MNAT1: variants seen among roughly 807,000 people sequenced by gnomAD.
MNAT1 encodes MNAT1 component of CDK activating kinase.
MNAT1 carries 43 observed loss-of-function variants against 42.0 expected under a neutral mutation model. The observed-to-expected ratio is 1.02, with a 90% CI of 0.80 to 1.32. MNAT1 has a LOEUF of 1.32. Among genes scored for constraint, MNAT1 ranks in the 40% most tolerant of loss-of-function variants. The probability of loss-of-function intolerance (pLI) is 0.00; values close to 1 mark genes in which losing one functional copy is unlikely to be tolerated. For synonymous variants in MNAT1, 118 were observed against 120.0 expected (o/e 0.98, Z 0.11); for missense variants, 306 against 350.4 (o/e 0.87, Z 1.01).
intron 7 of MNAT1, among the ~76,000 whole-genome samples, chr14:60,926,713 T>C (rs967989225): frequency 6.6e-6 from 1 of 152,132 alleles, no homozygotes; most frequent in Non-Finnish European, 1.5e-5. Context: ...CTCTGTCATT[T>C]TGGATTTTTA....
At chr14:60,854,664 C>T (rs1373552396) in intron 6 of MNAT1, among the ~76,000 whole-genome samples, 1 of 152,196 alleles carries the variant, frequency 6.6e-6, no homozygotes, top group Non-Finnish European at 1.5e-5. Context: ...CCTGCTCCTT[C>T]CTCTGGAAGC....
In MNAT1 at chr14:60,937,790, G is replaced by A. The variant is rs567949501; in HGVS notation, c.810-30439G>A. The stretch of plus-strand genomic sequence containing the variant: ...AGAAAGTCATTGGTAGCTTGATGGG[G>A]ATGGCATTGAATCTATAAATTACCT... On this transcript the variant is annotated intron_variant, in intron 7 of 7. Transcript: ENST00000261245. 2.6e-5 allele frequency among the ~76,000 whole-genome samples: 4 copies of A among 152,056 alleles called. No homozygotes were observed. In the East Asian group the frequency reaches 5.8e-4, roughly 22 times the overall value.
At chr14:60,954,128 A>G (rs1490752591) in intron 7 of MNAT1, among the ~76,000 whole-genome samples, 1 of 152,102 alleles carries the variant, frequency 6.6e-6, no homozygotes, top group Non-Finnish European at 1.5e-5. Flanking sequence ...CTTTGAGATC[A>G]GGTGATATTT....
At chr14:60,942,124 A>C (rs2036177116) in intron 7 of MNAT1, among the ~76,000 whole-genome samples, 1 of 150,814 alleles carries the variant, frequency 6.6e-6, no homozygotes, top group Non-Finnish European at 1.5e-5. Flanking sequence ...TTTTAAGCTG[A>C]TGAAAATACT....
intron 1 of MNAT1, among the ~76,000 whole-genome samples, chr14:60,755,165 AT>A (rs869120686): frequency 3.3e-3 from 481 of 146,182 alleles, no homozygotes; most frequent in Non-Finnish European, 3.8e-3. Context: ...TGCCTACCTA[AT>A]TTTTTTTTTT....
At chr14:60,963,836 A>G (rs1458518076) in intron 7 of MNAT1, among the ~76,000 whole-genome samples, 3 of 152,210 alleles carry the variant, frequency 2.0e-5, no homozygotes, top group Non-Finnish European at 1.5e-5. Flanking sequence ...GGAAACTAAT[A>G]TGAACTTTAC....
chr14:60,763,111 C>T (rs184167340), intron 1 of MNAT1, among the ~76,000 whole-genome samples: 1 of 152,024 alleles, frequency 6.6e-6, no homozygotes, highest in Non-Finnish European at 1.5e-5. Context: ...TCCAGTTAAA[C>T]TAAATTAGGG....
intron 7 of MNAT1, among the ~76,000 whole-genome samples, chr14:60,906,907 T>C (rs1456833446): frequency 6.6e-6 from 1 of 152,218 alleles, no homozygotes; most frequent in Non-Finnish European, 1.5e-5. Flanking sequence ...ATTTTATGTA[T>C]GCAGAAATTA....
At chr14:60,916,512 AG>A (rs1338715929) in intron 7 of MNAT1, among the ~76,000 whole-genome samples, 1 of 152,188 alleles carries the variant, frequency 6.6e-6, no homozygotes, top group Non-Finnish European at 1.5e-5. Context: ...AAAATTAGCC[AG>A]GGATGGTGGC....
At chr14:60,808,500 A>G in intron 4 of MNAT1, 72 bp downstream of exon 4, 1 of 926,634 alleles carries the variant, frequency 1.1e-6, no homozygotes, top group Non-Finnish European at 1.6e-6. Flanking sequence ...TTAAAAAGCC[A>G]TCTTCCTTTA....
intron 1 of MNAT1, among the ~76,000 whole-genome samples, chr14:60,737,604 A>T (rs918732901): frequency 6.6e-6 from 1 of 152,136 alleles, no homozygotes; most frequent in Non-Finnish European, 1.5e-5. Context: ...ATATGTACAT[A>T]TATGTCTTTG....
chr14:60,810,787 G>C (rs909608937), intron 4 of MNAT1, among the ~76,000 whole-genome samples: 2 of 152,176 alleles, frequency 1.3e-5, no homozygotes, highest in African/African-American at 4.8e-5. Flanking sequence ...CCTGTAGAAA[G>C]TTCTGTGTGT....
chr14:60,737,129 T>C (rs1029246523), intron 1 of MNAT1, among the ~76,000 whole-genome samples: 3 of 152,174 alleles, frequency 2.0e-5, no homozygotes, highest in African/African-American at 7.2e-5. Flanking sequence ...CACTGCTGTT[T>C]CTGAATGGAG....
chr14:60,853,260 C>T (rs1355255379), intron 6 of MNAT1, among the ~76,000 whole-genome samples: 1 of 152,220 alleles, frequency 6.6e-6, no homozygotes, highest in East Asian at 1.9e-4. Context: ...AGGTCCTTCA[C>T]GTCCCCCTTA....
chr14:60,874,977 A>G (rs2034406386), intron 6 of MNAT1, among the ~76,000 whole-genome samples: 1 of 152,146 alleles, frequency 6.6e-6, no homozygotes, highest in African/African-American at 2.4e-5. Flanking sequence ...GAACCATGGC[A>G]TCTATCTCAT....
At chr14:60,785,439 A>G (rs2031617492) in intron 1 of MNAT1, among the ~76,000 whole-genome samples, 1 of 152,212 alleles carries the variant, frequency 6.6e-6, no homozygotes, top group African/African-American at 2.4e-5. Context: ...GATTTAAATG[A>G]TTAATTGAAA....
intron 7 of MNAT1, among the ~76,000 whole-genome samples, chr14:60,938,036 T>G (rs1445988040): frequency 1.3e-5 from 2 of 152,192 alleles, no homozygotes; most frequent in Non-Finnish European, 2.9e-5. Context: ...TTGTCTGTTA[T>G]TGGTGTAGAA....
At chr14:60,797,997 A>G (rs184148419) in intron 2 of MNAT1, 90 bp from the exon 3 acceptor site, 1 of 632,250 alleles carries the variant, frequency 1.6e-6, no homozygotes, top group East Asian at 2.8e-5. Flanking sequence ...CATGTATCAT[A>G]TATGAATTAG....
At chr14:60,756,446 C>G (rs2030353552) in intron 1 of MNAT1, among the ~76,000 whole-genome samples, 1 of 152,060 alleles carries the variant, frequency 6.6e-6, no homozygotes, top group Non-Finnish European at 1.5e-5. Flanking sequence ...AAGTGCTTTT[C>G]CCATTACTAA....
Sources: allele counts gnomAD v4.1 joint callset (sites outside exome capture counted in the v4.1 genomes callset), GRCh38; gene constraint gnomAD v4.1.1; transcripts MANE v1.5; gene names NCBI Gene and HGNC (gene_info 2026-07-23, HGNC 2026-07-21).